TBC1D1: variants seen among roughly 807,000 people sequenced by gnomAD.
The protein encoded by TBC1D1 is TBC1 domain family member 1.
In TBC1D1, 89 loss-of-function variants were observed where a neutral mutation model predicts 125.6. That is an observed-to-expected ratio of 0.71 (90% confidence interval 0.60 to 0.85). TBC1D1 has a LOEUF of 0.85. Ranked by LOEUF, TBC1D1 falls within the 40% of genes least tolerant of loss-of-function variation. The pLI, the probability that TBC1D1 is intolerant of heterozygous loss-of-function variation, is 0.00. For synonymous variants in TBC1D1, 565 were observed against 564.1 expected (o/e 1.00, Z -0.02); for missense variants, 1,377 against 1,469.2 (o/e 0.94, Z 1.03).
At chr4:38,101,154 G>A (rs1306949667) in intron 14 of TBC1D1, among the ~76,000 whole-genome samples, 1 of 152,220 alleles carries the variant, frequency 6.6e-6, no homozygotes, top group African/African-American at 2.4e-5. Flanking sequence ...ATCTGCTGCT[G>A]CTACCTGCCA....
At chr4:37,941,412 C>G (rs879407962) in intron 2 of TBC1D1, among the ~76,000 whole-genome samples, 1 of 152,112 alleles carries the variant, frequency 6.6e-6, no homozygotes, top group Non-Finnish European at 1.5e-5. Flanking sequence ...ATTCTTCTCT[C>G]TTTTCTTCTT....
chr4:38,107,981 G>A (rs145393897), intron 15 of TBC1D1, among the ~76,000 whole-genome samples: 90 of 152,232 alleles, frequency 5.9e-4, no homozygotes, highest in African/African-American at 1.8e-3. Context: ...CCAGCCAGAG[G>A]CAACTGCTCT....
intron 2 of TBC1D1, among the ~76,000 whole-genome samples, chr4:37,903,796 T>G (rs969095700): frequency 7.9e-5 from 12 of 152,096 alleles, no homozygotes; most frequent in Non-Finnish European, 1.3e-4. Flanking sequence ...CAGTGGGGAA[T>G]AGGACCAGGT....
chr4:38,023,001 C>G, intron 6 of TBC1D1, among the ~76,000 whole-genome samples: 1 of 152,066 alleles, frequency 6.6e-6, no homozygotes, highest in East Asian at 1.9e-4. Flanking sequence ...CAGATCACTT[C>G]AGGCCAAGAG....
chr4:37,944,748 C>T lies in TBC1D1; in HGVS notation c.417+42236C>T, dbSNP rs182628412. Among the ~76,000 whole-genome samples, 572 of 152,306 alleles carry T rather than the reference C, an allele frequency of 3.8e-3. 6 individuals carry two copies. Among genetic ancestry groups the T allele is most frequent in the African/African-American group, 0.013 (533 of 41,582 alleles). On this transcript the variant is annotated intron_variant, in intron 2 of 19. Coordinates refer to ENST00000261439, the MANE Select transcript of TBC1D1 (RefSeq NM_015173.4). Reference sequence around the variant, plus strand: ...GGCTGTCTGTTACGGCTTACCTTGGCTAGGAAAGGGAATTCCCTGATCCCT... The same window carrying T: ...GGCTGTCTGTTACGGCTTACCTTGGTTAGGAAAGGGAATTCCCTGATCCCT...
chr4:37,926,146 T>C (rs1722066472), intron 2 of TBC1D1, among the ~76,000 whole-genome samples: 1 of 152,244 alleles, frequency 6.6e-6, no homozygotes, highest in Non-Finnish European at 1.5e-5. Context: ...AGCTACCACA[T>C]GGAGAAAGTA....
At position 37,963,372 on chromosome 4, in the gene TBC1D1, C is replaced by T. The variant is rs1005046690; in HGVS notation, c.418-51137C>T. Among the ~76,000 whole-genome samples the T allele has an allele frequency of 2.2e-5, 3 of 135,386 alleles. No individual in the cohort carries two copies. In the Admixed American group the frequency reaches 2.5e-4, roughly 11 times the overall value. 88.8% of individuals were successfully genotyped at this position (135,386 alleles called of 152,430 possible). On this transcript the variant is annotated intron_variant, in intron 2 of 19. Transcript: ENST00000261439. ...GGAGCAGGCCTCTCACATGGCAGAG[C>T]AAGAGCAAGAAAGAGTTGAGGTGGG...
intron 2 of TBC1D1, among the ~76,000 whole-genome samples, chr4:37,997,836 A>C (rs1738151579): frequency 6.6e-6 from 1 of 151,738 alleles, no homozygotes; most frequent in Admixed American, 6.6e-5. Flanking sequence ...CTGAGGGTGG[A>C]TGGGCGAGGG....
At chr4:38,122,576 C>G (rs1229065842) in intron 17 of TBC1D1, among the ~76,000 whole-genome samples, 1 of 152,128 alleles carries the variant, frequency 6.6e-6, no homozygotes, top group Non-Finnish European at 1.5e-5. Flanking sequence ...CTTTTCTTTC[C>G]TCTTTGTTCT....
intron 2 of TBC1D1, among the ~76,000 whole-genome samples, chr4:37,918,775 A>AAAC (rs1720275929): frequency 6.6e-6 from 1 of 152,182 alleles, no homozygotes; most frequent in African/African-American, 2.4e-5. Flanking sequence ...GCCTAGCCGT[A>AAAC]CAATTTTTAA....
intron 14 of TBC1D1, among the ~76,000 whole-genome samples, chr4:38,102,132 T>A (rs970707342): frequency 4.0e-5 from 6 of 149,082 alleles, no homozygotes; most frequent in African/African-American, 1.5e-4. Context: ...TTAGGAGATA[T>A]ACCTAATGTT....
At chr4:38,041,123 A>C (rs1248026787) in intron 8 of TBC1D1, among the ~76,000 whole-genome samples, 2 of 152,216 alleles carry the variant, frequency 1.3e-5, no homozygotes, top group Non-Finnish European at 2.9e-5. Context: ...TTTTATGAGA[A>C]TCCATTCTTT....
Position 38,014,998 on chromosome 4 carries a change from C to A in TBC1D1, c.882+25C>A, listed in dbSNP as rs768670972. ...GGTAAAATATCACCCAGCTCGTGCA[C>A]AGCCCCAGTCTGCCATACGCTTTCA... On this transcript the variant is annotated intron_variant, in intron 3 of 19. Coordinates refer to ENST00000261439, the MANE Select transcript of TBC1D1 (RefSeq NM_015173.4). The surrounding 1 kb of genome is among the most constrained non-coding windows in gnomAD (Gnocchi z 5.1). The A allele has an allele frequency of 7.3e-6, 11 of 1,505,108 alleles. No homozygotes were observed. In the South Asian group the frequency reaches 1.3e-4, roughly 18 times the overall value. 93.2% of individuals were successfully genotyped at this position (1,505,108 alleles called of 1,614,324 possible).
At chr4:38,056,856 A>C (rs1217930509) in intron 12 of TBC1D1, among the ~76,000 whole-genome samples, 2 of 152,106 alleles carry the variant, frequency 1.3e-5, no homozygotes, top group Non-Finnish European at 2.9e-5. Flanking sequence ...TTTCCCTCGC[A>C]TAGTTTGTAC....
In TBC1D1 at chr4:37,978,069, TAGA is replaced by T. The variant is rs1733607947; in HGVS notation, c.418-36437_418-36435del. Among the ~76,000 whole-genome samples the T allele has an allele frequency of 2.6e-5, 4 of 152,330 alleles. No homozygotes were observed. In the South Asian group the frequency reaches 8.3e-4, roughly 32 times the overall value. On this transcript the variant is annotated intron_variant, in intron 2 of 19. Coordinates refer to ENST00000261439, the MANE Select transcript of TBC1D1 (RefSeq NM_015173.4). The stretch of plus-strand genomic sequence containing the variant: ...CATGTTCTGAGGTCTGAGTTTTAAA[TAGA>T]AGTTTTTAACTTTCCATTCCCACAA...
chr4:38,031,988 T>C (rs1746244187), intron 7 of TBC1D1, among the ~76,000 whole-genome samples: 1 of 152,148 alleles, frequency 6.6e-6, no homozygotes, highest in Non-Finnish European at 1.5e-5. Context: ...TTTTATAAGG[T>C]ATATACAACT....
intron 2 of TBC1D1, among the ~76,000 whole-genome samples, chr4:37,968,265 CTT>C (rs1560544522): frequency 6.6e-6 from 1 of 152,166 alleles, no homozygotes; most frequent in Non-Finnish European, 1.5e-5. Context: ...TCTCAAAGGG[CTT>C]TGTTACTATC....
intron 15 of TBC1D1, chr4:38,110,148 C>T (rs1578761928): frequency 3.1e-6 from 3 of 960,664 alleles, no homozygotes; most frequent in African/African-American, 1.8e-5. Context: ...TAAACAGAGC[C>T]GAGATATCAG....
chr4:37,979,904 C>T (rs1188906046), intron 2 of TBC1D1, among the ~76,000 whole-genome samples: 1 of 152,226 alleles, frequency 6.6e-6, no homozygotes, highest in Non-Finnish European at 1.5e-5. Flanking sequence ...CTCAGCCTCC[C>T]GAGTAGCTGG....
Sources: allele counts gnomAD v4.1 joint callset (sites outside exome capture counted in the v4.1 genomes callset), GRCh38; gene constraint gnomAD v4.1.1; non-coding constraint Gnocchi (gnomAD v3.1); transcripts MANE v1.5; gene names NCBI Gene and HGNC (gene_info 2026-07-23, HGNC 2026-07-21).